HS6ST2: variants seen among roughly 807,000 people sequenced by gnomAD.
HS6ST2 encodes the protein heparan sulfate 6-O-sulfotransferase 2.
HS6ST2 carries 17 observed loss-of-function variants against 33.0 expected under a neutral mutation model. The observed-to-expected ratio is 0.52, with a 90% CI of 0.35 to 0.77. The LOEUF is 0.77. Among genes scored for constraint, HS6ST2 ranks in the 30% least tolerant of loss-of-function variants. HS6ST2 has a pLI of 0.01. For synonymous variants in HS6ST2, 248 were observed against 237.1 expected, an observed-to-expected ratio of 1.05 and a Z score of -0.42; for missense variants, 519 against 551.7, an observed-to-expected ratio of 0.94 and a Z score of 0.59.
intron 2 of HS6ST2, among the ~76,000 whole-genome samples, chrX:132,936,248 C>T (rs1367640497): frequency 9.0e-6 from 1 of 110,619 alleles, no homozygotes; most frequent in East Asian, 2.8e-4. Context: ...ACACAAGTTA[C>T]CAGAAAGACA....
chrX:132,719,227 C>A (rs1254871797), intron 2 of HS6ST2, among the ~76,000 whole-genome samples: 2 of 111,768 alleles, frequency 1.8e-5, no homozygotes, highest in African/African-American at 3.3e-5. Context: ...CCATCAAGCC[C>A]AAACTCTGCA....
At chrX:132,701,162 A>G (rs746652511) in intron 3 of HS6ST2, among the ~76,000 whole-genome samples, 138 of 112,431 alleles carry the variant, frequency 1.2e-3, no homozygotes, top group Non-Finnish European at 2.2e-3. Flanking sequence ...AGCTGCACGT[A>G]CTTAGATAAG....
intron 2 of HS6ST2, among the ~76,000 whole-genome samples, chrX:132,890,965 T>C (rs935395104): frequency 8.7e-4 from 97 of 111,844 alleles, no homozygotes; most frequent in African/African-American, 3.1e-3. Context: ...TGAGAACTCA[T>C]AGCACCTGAT....
At chrX:132,905,856 T>C (rs1239924364) in intron 2 of HS6ST2, among the ~76,000 whole-genome samples, 2 of 111,547 alleles carry the variant, frequency 1.8e-5, no homozygotes, top group East Asian at 5.6e-4. Context: ...GGACACTGTG[T>C]CTATGAAAAA....
chrX:132,687,181 C>G (rs898392519), intron 3 of HS6ST2, among the ~76,000 whole-genome samples: 2 of 111,345 alleles, frequency 1.8e-5, no homozygotes, highest in African/African-American at 6.5e-5. Context: ...TGTCTTCTGT[C>G]CACTTATCAT....
At chrX:132,724,988 T>G (rs1179486983) in intron 2 of HS6ST2, among the ~76,000 whole-genome samples, 1 of 111,960 alleles carries the variant, frequency 8.9e-6, no homozygotes, top group African/African-American at 3.2e-5. Context: ...TCTTGCCATA[T>G]GAAAATCAAA....
In HS6ST2 at chrX:132,889,069, A is replaced by G. The variant is rs768624260; in HGVS notation, c.947+67739T>C. Among the ~76,000 whole-genome samples the G allele has an allele frequency of 5.4e-5, 6 of 110,747 alleles. No homozygotes were observed. The South Asian group carries it at 2.3e-3, about 43-fold the overall frequency. On this transcript the variant is annotated intron_variant, in intron 2 of 4. Coordinates refer to ENST00000370833, the MANE Select transcript of HS6ST2 (RefSeq NM_001394073.1). ...CAGCAAGTAGCAGACCCAGGATTTC[A>G]GCGTCTAAGTCTCATCAGTTGCCTG...
intron 3 of HS6ST2, among the ~76,000 whole-genome samples, chrX:132,682,669 AG>A (rs763692157): frequency 9.7e-6 from 1 of 102,960 alleles, no homozygotes; most frequent in East Asian, 3.0e-4. Context: ...GCAGTTTATT[AG>A]TTACCTTTGA....
intron 4 of HS6ST2, among the ~76,000 whole-genome samples, chrX:132,662,330 GT>G (rs754846802): frequency 3.5e-4 from 39 of 112,027 alleles, no homozygotes; most frequent in Admixed American, 7.6e-4. Flanking sequence ...ATAGCATACT[GT>G]TTAACATCAC....
chrX:132,843,361 A>G (rs150699332), intron 2 of HS6ST2, among the ~76,000 whole-genome samples: 2,064 of 112,131 alleles, frequency 0.018, 17 homozygotes, highest in Non-Finnish European at 0.029. Context: ...TGAAAGCATC[A>G]AGATGTCCTT....
chrX:132,923,369 C>T (rs765791294), intron 2 of HS6ST2, among the ~76,000 whole-genome samples: 37 of 111,113 alleles, frequency 3.3e-4, no homozygotes, highest in Non-Finnish European at 5.6e-4. Flanking sequence ...GTGCCTTGGT[C>T]GAGGAGGAAG....
At position 132,957,110 on chromosome X, in the gene HS6ST2, G is replaced by A. The variant is rs770199205; in HGVS notation, c.645C>T (p.Leu215=). Residue 215 remains leucine, a synonymous_variant, in exon 2 of 5, where the codon CTC becomes CTT. Transcript: ENST00000370833. ...TGATGTCGAAGTCTACCTTGCGCAG[G>A]AGGTCGCCGCGGGTGAAATTGTAGC... is the stretch of plus-strand genomic sequence containing the variant. ...VPRYNFTRGD[L]LRKVDFDIKG... The A allele has an allele frequency of 6.6e-6, 8 of 1,210,037 alleles. No homozygotes were observed. The South Asian group carries it at 1.4e-4, about 21-fold the overall frequency.
chrX:132,916,871 C>T (rs1192941164), intron 2 of HS6ST2, among the ~76,000 whole-genome samples: 2 of 111,752 alleles, frequency 1.8e-5, no homozygotes, highest in Admixed American at 1.9e-4. Context: ...GATGGCCTAT[C>T]GTGGGACTTC....
At chrX:132,700,533 CATATAT>C (rs201749878) in intron 3 of HS6ST2, among the ~76,000 whole-genome samples, 1 of 102,121 alleles carries the variant, frequency 9.8e-6, no homozygotes. Context: ...CACATAAGAT[CATATAT>C]ATATATATAT....
At chrX:132,912,052 G>A (rs761567824) in intron 2 of HS6ST2, among the ~76,000 whole-genome samples, 16 of 112,413 alleles carry the variant, frequency 1.4e-4, no homozygotes, top group South Asian at 3.7e-4. Flanking sequence ...GGCTACTGCC[G>A]CTCACTAGTG....
chrX:132,735,715 A>C (rs753911013), intron 2 of HS6ST2, among the ~76,000 whole-genome samples: 1 of 112,352 alleles, frequency 8.9e-6, no homozygotes, highest in East Asian at 2.8e-4. Context: ...CCACAGAGAA[A>C]GAACTGTTGG....
chrX:132,916,893 G>A (rs906712521), intron 2 of HS6ST2, among the ~76,000 whole-genome samples: 3 of 111,869 alleles, frequency 2.7e-5, no homozygotes, highest in African/African-American at 6.5e-5. Context: ...CCTCGTGATC[G>A]TGTGAGTCAA....
At chrX:132,925,704 A>T (rs1181364106) in intron 2 of HS6ST2, among the ~76,000 whole-genome samples, 1 of 111,843 alleles carries the variant, frequency 8.9e-6, no homozygotes, top group African/African-American at 3.3e-5. Context: ...ATGAATTAGG[A>T]GTTACTTTTA....
intron 2 of HS6ST2, among the ~76,000 whole-genome samples, chrX:132,828,313 AG>A (rs2065546008): frequency 9.0e-6 from 1 of 110,753 alleles, no homozygotes; most frequent in South Asian, 3.9e-4. Flanking sequence ...TAATTCTTGA[AG>A]GGAAAAAAAA....
Sources: allele counts gnomAD v4.1 joint callset (sites outside exome capture counted in the v4.1 genomes callset), GRCh38; gene constraint gnomAD v4.1.1; transcripts MANE v1.5; gene names NCBI Gene and HGNC (gene_info 2026-07-23, HGNC 2026-07-21).